The following MTA3 variants were observed in gnomAD, a reference collection of about 807,000 sequenced individuals.
MTA3 encodes the protein metastasis associated 1 family member 3, also known as metastasis-associated protein MTA3.
Under a neutral mutation model 83.5 loss-of-function variants are expected in MTA3, and 34 were observed. The ratio of observed to expected loss-of-function variants is 0.41; its 90% confidence interval spans 0.31 to 0.54. MTA3 has a LOEUF of 0.54. Ranked by LOEUF, MTA3 falls within the 20% of genes least tolerant of loss-of-function variation. The probability of loss-of-function intolerance (pLI) is 0.33; values close to 1 mark genes in which losing one functional copy is unlikely to be tolerated. For missense variants in MTA3, 761 were observed against 726.4 expected (o/e 1.05, Z -0.55); for synonymous variants, 303 against 252.7 (o/e 1.20, Z -1.89).
At chr2:42,635,809 C>A (rs1687137369) in intron 4 of MTA3, among the ~76,000 whole-genome samples, 1 of 152,094 alleles carries the variant, frequency 6.6e-6, no homozygotes, top group African/African-American at 2.4e-5. Context: ...CTCTGTCACC[C>A]AGGCTCGAGT....
chr2:42,705,592 G>C (rs963344761), intron 12 of MTA3, among the ~76,000 whole-genome samples: 1 of 152,154 alleles, frequency 6.6e-6, no homozygotes, highest in Admixed American at 6.5e-5. Flanking sequence ...TGTAATCCCA[G>C]CTACTCAGGA....
chr2:42,650,679 T>G (rs1688638431), intron 6 of MTA3, among the ~76,000 whole-genome samples: 1 of 152,200 alleles, frequency 6.6e-6, no homozygotes, highest in Non-Finnish European at 1.5e-5. Flanking sequence ...TCTGCCCGCC[T>G]CAGCCTCCCA....
intron 4 of MTA3, among the ~76,000 whole-genome samples, chr2:42,620,937 A>G (rs1003512093): frequency 6.6e-6 from 1 of 152,104 alleles, no homozygotes; most frequent in African/African-American, 2.4e-5. Flanking sequence ...GCTTTTTTTG[A>G]AAAGTCATGG....
At chr2:42,512,834 A>G (rs1267693627) in intron 2 of MTA3, among the ~76,000 whole-genome samples, 1 of 152,218 alleles carries the variant, frequency 6.6e-6, no homozygotes, top group Non-Finnish European at 1.5e-5. Context: ...GCATTAGTTA[A>G]GACTTTCAAT....
At chr2:42,588,460 C>T (rs1450770230) in intron 3 of MTA3, among the ~76,000 whole-genome samples, 1 of 152,150 alleles carries the variant, frequency 6.6e-6, no homozygotes, top group Non-Finnish European at 1.5e-5. Flanking sequence ...AAGCATATAG[C>T]AGTCATTGAC....
chr2:42,560,542 A>G (rs1425802980), intron 2 of MTA3, among the ~76,000 whole-genome samples: 1 of 150,190 alleles, frequency 6.7e-6, no homozygotes, highest in Non-Finnish European at 1.5e-5. Flanking sequence ...ACAGAGTGAG[A>G]CTCCATCTTA....
intron 16 of MTA3, among the ~76,000 whole-genome samples, chr2:42,750,907 C>T (rs1250332714): frequency 1.3e-5 from 2 of 152,242 alleles, no homozygotes; most frequent in Non-Finnish European, 2.9e-5. Context: ...TTTAACTCCT[C>T]TTCCTTGCTT....
At chr2:42,532,065 CT>C (rs1330713647) in intron 2 of MTA3, among the ~76,000 whole-genome samples, 1 of 152,184 alleles carries the variant, frequency 6.6e-6, no homozygotes, top group Non-Finnish European at 1.5e-5. Flanking sequence ...CAAAATCCAG[CT>C]TTTTAATGCT....
At chr2:42,661,260 G>A (rs1689675299) in intron 8 of MTA3, among the ~76,000 whole-genome samples, 1 of 151,926 alleles carries the variant, frequency 6.6e-6, no homozygotes, top group Admixed American at 6.6e-5. Flanking sequence ...TCACTTTGGG[G>A]GGCTGAGGCC....
chr2:42,689,657 A>G (rs1692696071), intron 9 of MTA3, among the ~76,000 whole-genome samples: 1 of 152,046 alleles, frequency 6.6e-6, no homozygotes, highest in Non-Finnish European at 1.5e-5. Context: ...CTAGTTTACT[A>G]TTATAAAGAT....
At position 42,731,902 on chromosome 2, in the gene MTA3, G is replaced by A. The variant is rs139652491; in HGVS notation, c.1759+8867G>A. Among the ~76,000 whole-genome samples, 206 of 152,280 alleles carry A rather than the reference G, an allele frequency of 1.4e-3. 2 individuals are homozygous for A. Among genetic ancestry groups the A allele is most frequent in the African/African-American group, 4.3e-3 (177 of 41,554 alleles). On this transcript the variant is annotated intron_variant, in intron 16 of 16. Transcript: ENST00000405094. Reference sequence around the variant, plus strand: ...GTACAGGTATTGGGTAAATACAGCCGTTCCAAATGGGAGAAATTGGCCAAA... The same window carrying A: ...GTACAGGTATTGGGTAAATACAGCCATTCCAAATGGGAGAAATTGGCCAAA...
intron 8 of MTA3, among the ~76,000 whole-genome samples, chr2:42,668,171 C>T (rs986300615): frequency 2.0e-5 from 3 of 152,188 alleles, no homozygotes; most frequent in African/African-American, 7.2e-5. Context: ...AGTGGAACTG[C>T]AGTGGCTCCT....
chr2:42,678,855 T>C (rs1476062005), intron 8 of MTA3, among the ~76,000 whole-genome samples: 2 of 152,202 alleles, frequency 1.3e-5, no homozygotes, highest in African/African-American at 2.4e-5. Flanking sequence ...TAATAGATGT[T>C]AGTTGACATT....
rs757102753 is a variant in MTA3 at position 42,501,103 on chromosome 2, C to T, written c.-141+5849C>T. Among the ~76,000 whole-genome samples the T allele has an allele frequency of 3.9e-5, 6 of 152,050 alleles. No homozygotes were observed. The East Asian group carries it at 5.8e-4, about 15-fold the overall frequency. On this transcript the variant is annotated intron_variant, in intron 2 of 17. Transcript: ENST00000405592. ...GGGATTACAGGCATGAGCCACCGCG[C>T]GTGACCTGTATAGCATCTTAATAAA...
chr2:42,615,112 G>A (rs879773638), intron 4 of MTA3, among the ~76,000 whole-genome samples: 3 of 151,900 alleles, frequency 2.0e-5, no homozygotes, highest in East Asian at 1.9e-4. Flanking sequence ...CCAACGTGGC[G>A]AAACCCCATC....
intron 6 of MTA3, among the ~76,000 whole-genome samples, chr2:42,648,674 T>C (rs1019801302): frequency 5.3e-5 from 8 of 152,232 alleles, no homozygotes; most frequent in Non-Finnish European, 1.0e-4. Context: ...TAAAGGCGTC[T>C]TTTAGATTTT....
chr2:42,708,086 C>T, intron 13 of MTA3, 32 bp downstream of exon 13: 2 of 1,575,390 alleles, frequency 1.3e-6, no homozygotes, highest in Non-Finnish European at 1.7e-6. Context: ...TGAAAAATGG[C>T]ATGTTTTTAA....
At chr2:42,719,261 TAC>T (rs961225274) in intron 15 of MTA3, among the ~76,000 whole-genome samples, 187 bp downstream of exon 15, 1 of 151,996 alleles carries the variant, frequency 6.6e-6, no homozygotes, top group African/African-American at 2.4e-5. Context: ...CACACACACA[TAC>T]ACACACAGAT....
At chr2:42,625,026 C>T (rs962395037) in intron 4 of MTA3, among the ~76,000 whole-genome samples, 3 of 151,906 alleles carry the variant, frequency 2.0e-5, no homozygotes, top group African/African-American at 7.3e-5. Context: ...ATCTGTTTTC[C>T]TTTATTTACT....
Sources: allele counts gnomAD v4.1 joint callset (sites outside exome capture counted in the v4.1 genomes callset), GRCh38; gene constraint gnomAD v4.1.1; transcripts MANE v1.5; gene names NCBI Gene and HGNC (gene_info 2026-07-23, HGNC 2026-07-21).